Variants in MFSD6 observed in about 807,000 individuals in gnomAD.
MFSD6 encodes the protein major facilitator superfamily domain-containing protein 6.
In MFSD6, 26 loss-of-function variants were observed where a neutral mutation model predicts 56.3. The ratio of observed to expected loss-of-function variants is 0.46; its 90% CI spans 0.34 to 0.64. MFSD6 has a LOEUF of 0.64. MFSD6 is among the 30% of genes least tolerant of loss of function. MFSD6 has a pLI of 0.01. For missense variants in MFSD6, 750 were observed against 986.2 expected (o/e 0.76, Z 3.21); for synonymous variants, 331 against 366.9 (o/e 0.90, Z 1.12).
At chr2:190,419,488 AG>A (rs1390178234) in intron 2 of MFSD6, among the ~76,000 whole-genome samples, 2 of 152,262 alleles carry the variant, frequency 1.3e-5, no homozygotes, top group African/African-American at 4.8e-5. Flanking sequence ...CCATGGCACA[AG>A]GAAGAGTGTC....
At position 190,450,312 on chromosome 2, in the gene MFSD6, C is replaced by T. The variant is rs77196927; in HGVS notation, c.1532+12751C>T. 7.5e-3 allele frequency among the ~76,000 whole-genome samples: 1,136 copies of T among 152,120 alleles called. 15 individuals are homozygous for T. The highest frequency in any genetic ancestry group is 0.014 in the South Asian group (67 of 4,826). ...GAGTGGATAAGAAAATAAATTTTCT[C>T]AGAAGCTTACTTCATAGCATACCTC... On this transcript the variant is annotated intron_variant, in intron 3 of 7. Coordinates refer to ENST00000392328, the MANE Select transcript of MFSD6 (RefSeq NM_017694.4).
chr2:190,431,487 G>T lies in MFSD6; in HGVS notation c.-53-4490G>T, dbSNP rs905255176. ...GGAGGCCGAGGCTGGCGGATCACTC[G>T]CGATTAGGAGCTGGAGACTAGCCCG... On this transcript the variant is annotated intron_variant, in intron 2 of 7. Transcript: ENST00000392328. This position sits in a 1 kb window ranked among gnomAD's most constrained non-coding sequence, Gnocchi z 4.4. Among the ~76,000 whole-genome samples, 2 of 152,324 alleles carry T rather than the reference G, an allele frequency of 1.3e-5. No individual in the cohort carries two copies. Among genetic ancestry groups the T allele is most frequent in the East Asian group, 3.9e-4 (2 of 5,182 alleles).
In MFSD6 at chr2:190,491,047, G is replaced by C. The variant is rs773479500; in HGVS notation, c.1891+1181G>C. 1.3e-5 allele frequency among the ~76,000 whole-genome samples: 2 copies of C among 152,144 alleles called. No homozygotes were observed. The highest frequency in any genetic ancestry group is 6.5e-5 in the Admixed American group (1 of 15,272). ...GGCTCTCCCAAAGTTATAAGATGTA[G>C]TTAAAGTTGTATTTTGAGAAAAATG... On this transcript the variant is annotated intron_variant, in intron 6 of 7. Transcript: ENST00000392328. This position sits in a 1 kb window ranked among gnomAD's most constrained non-coding sequence, Gnocchi z 4.2.
intron 2 of MFSD6, among the ~76,000 whole-genome samples, chr2:190,430,898 A>G (rs1447597397): frequency 1.1e-5 from 1 of 92,044 alleles, no homozygotes; most frequent in Non-Finnish European, 2.2e-5. Context: ...GACGCTCCTC[A>G]CTTCCCAGAT....
chr2:190,471,534 G>C lies in MFSD6; in HGVS notation c.1630+1679G>C, dbSNP rs893211877. Among the ~76,000 whole-genome samples the C allele has an allele frequency of 2.0e-5, 3 of 152,354 alleles. No homozygotes were observed. The highest frequency in any genetic ancestry group is 4.4e-5 in the Non-Finnish European group (3 of 68,036). On this transcript the variant is annotated intron_variant, in intron 4 of 7. Coordinates refer to ENST00000392328, the MANE Select transcript of MFSD6 (RefSeq NM_017694.4). The surrounding 1 kb of genome is among the most constrained non-coding windows in gnomAD (Gnocchi z 4.7). Reference sequence around the variant, plus strand: ...AGATCAAACTGCAAGGCGGCAGTGAGGCTGGGGGAGGGGCACCCGCCATTG... The same window carrying C: ...AGATCAAACTGCAAGGCGGCAGTGACGCTGGGGGAGGGGCACCCGCCATTG...
In MFSD6 at chr2:190,432,320, C is replaced by A. The variant is rs75630116; in HGVS notation, c.-53-3657C>A. Among the ~76,000 whole-genome samples the A allele has an allele frequency of 2.5e-3, 380 of 152,328 alleles. 3 individuals are homozygous for A. The highest frequency in any genetic ancestry group is 8.6e-3 in the African/African-American group (356 of 41,580). On this transcript the variant is annotated intron_variant, in intron 2 of 7. Coordinates refer to ENST00000392328, the MANE Select transcript of MFSD6 (RefSeq NM_017694.4). ...GGGGAAAGGGGCCAAGGCTCAGAAT[C>A]CAGGATGTGTATGTTCACTTGATGC...
Position 190,459,753 on chromosome 2 carries a change from T to C in MFSD6, c.1533-10005T>C, listed in dbSNP as rs1220426729. ...TACACTCTTAGCTTATCAGTCATTT[T>C]AGAGGGAAGAATCTGAACACAACAA... is the stretch of plus-strand genomic sequence containing the variant. On this transcript the variant is annotated intron_variant, in intron 3 of 7. Coordinates refer to ENST00000392328, the MANE Select transcript of MFSD6 (RefSeq NM_017694.4). This position sits in a 1 kb window ranked among gnomAD's most constrained non-coding sequence, Gnocchi z 5.3. Among the ~76,000 whole-genome samples, 2 of 152,262 alleles carry C rather than the reference T, an allele frequency of 1.3e-5. No individual in the cohort carries two copies. The highest frequency in any genetic ancestry group is 2.9e-5 in the Non-Finnish European group (2 of 68,042).
Position 190,496,650 on chromosome 2 carries a change from A to G in MFSD6, c.1892-789A>G, listed in dbSNP as rs538990846. 6.6e-6 allele frequency among the ~76,000 whole-genome samples: 1 copy of G among 151,468 alleles called. No homozygotes were observed. The highest frequency in any genetic ancestry group is 1.9e-4 in the East Asian group (1 of 5,176). ...TGTATATGTGTGTATATATATGTAT[A>G]TGTGTATATGTGTGTGTATGTGTGT... On this transcript the variant is annotated intron_variant, in intron 6 of 7. Transcript: ENST00000392328. The surrounding 1 kb of genome is among the most constrained non-coding windows in gnomAD (Gnocchi z 4.7).
chr2:190,447,898 T>C lies in MFSD6; in HGVS notation c.1532+10337T>C, dbSNP rs539764371. On this transcript the variant is annotated intron_variant, in intron 3 of 7. Transcript: ENST00000392328. This position sits in a 1 kb window ranked among gnomAD's most constrained non-coding sequence, Gnocchi z 4.5. ...CAAAGAAATATCTTACCATGTAATA[T>C]AGCTACCAGGCTGACTTATTAATAA... Among the ~76,000 whole-genome samples the C allele has an allele frequency of 6.6e-6, 1 of 152,286 alleles. No homozygotes were observed. The highest frequency in any genetic ancestry group is 1.5e-5 in the Non-Finnish European group (1 of 68,026).
At chr2:190,483,083 G>A (rs144969691) in intron 4 of MFSD6, among the ~76,000 whole-genome samples, 23,713 of 149,566 alleles carry the variant, frequency 0.16, 1,904 homozygotes, top group Middle Eastern at 0.22. Context: ...TAGTAGAGAC[G>A]GGGTTTCACC....
rs1575842596 is a variant in MFSD6 at position 190,439,354 on chromosome 2, T to C, written c.1532+1793T>C. Among the ~76,000 whole-genome samples the C allele has an allele frequency of 1.3e-5, 2 of 152,256 alleles. No individual in the cohort carries two copies. The highest frequency in any genetic ancestry group is 1.3e-4 in the Admixed American group (2 of 15,296). ...ATGTGTTTAGGTTCTATTTTCTTTT[T>C]TTTCACGTTTTATTTGTTTATTTTT... is the stretch of plus-strand genomic sequence containing the variant. On this transcript the variant is annotated intron_variant, in intron 3 of 7. Coordinates refer to ENST00000392328, the MANE Select transcript of MFSD6 (RefSeq NM_017694.4). The surrounding 1 kb of genome is among the most constrained non-coding windows in gnomAD (Gnocchi z 5.8).
In MFSD6 at chr2:190,411,881, ATTTC is replaced by A. The variant is rs1690579441; in HGVS notation, c.-176+3385_-176+3388del. On this transcript the variant is annotated intron_variant, in intron 1 of 7. Coordinates refer to ENST00000392328, the MANE Select transcript of MFSD6 (RefSeq NM_017694.4). Reference sequence around the variant, plus strand: ...ATCTGCTTGATTAGGGGTGATAAGAATTTCTTTCTTCCTGGTCTTGCTAGTGGTG... The same window carrying A: ...ATCTGCTTGATTAGGGGTGATAAGAATTTCTTCCTGGTCTTGCTAGTGGTG... 6 of 985,242 alleles carry A rather than the reference ATTTC, an allele frequency of 6.1e-6. No individual in the cohort carries two copies. The African/African-American group carries it at 7.0e-5, about 11-fold the overall frequency. The allele number at this position is 985,242 out of a possible 1,614,324, so 61.0% of individuals were successfully genotyped here.
chr2:190,448,474 G>C (rs539703091), intron 3 of MFSD6, among the ~76,000 whole-genome samples: 2 of 152,298 alleles, frequency 1.3e-5, no homozygotes, highest in East Asian at 3.9e-4. Flanking sequence ...AAATGTTAAT[G>C]CAGGGGTTAA....
chr2:190,413,840 G>C lies in MFSD6; in HGVS notation c.-175-1452G>C, dbSNP rs1054271045. On this transcript the variant is annotated intron_variant, in intron 1 of 7. Coordinates refer to ENST00000392328, the MANE Select transcript of MFSD6 (RefSeq NM_017694.4). This position sits in a 1 kb window ranked among gnomAD's most constrained non-coding sequence, Gnocchi z 4.1. ...GAGCCCTGCTATACTGTGGGGTGAA[G>C]AGGAGACATGGCAGTCAGGGCCCAG... 6.6e-6 allele frequency among the ~76,000 whole-genome samples: 1 copy of C among 152,206 alleles called. No individual in the cohort carries two copies. The highest frequency in any genetic ancestry group is 1.5e-5 in the Non-Finnish European group (1 of 68,038).
intron 3 of MFSD6, among the ~76,000 whole-genome samples, chr2:190,449,578 C>G (rs1332138546): frequency 6.6e-6 from 1 of 152,044 alleles, no homozygotes; most frequent in Non-Finnish European, 1.5e-5. Flanking sequence ...ATGTTTATTG[C>G]GGCACTATTC....
Position 190,417,996 on chromosome 2 carries a change from G to GTGTGTGTT in MFSD6, c.-54+2588_-54+2589insGTTTGTGT, listed in dbSNP as rs1177419131. The stretch of plus-strand genomic sequence containing the variant: ...TGTGTGTGTGTGTGTGTGTGTGTGT[G>GTGTGTGTT]TGTGTATGTGAGAGAGAGAGAGATG... On this transcript the variant is annotated intron_variant, in intron 2 of 7. Coordinates refer to ENST00000392328, the MANE Select transcript of MFSD6 (RefSeq NM_017694.4). The surrounding 1 kb of genome is among the most constrained non-coding windows in gnomAD (Gnocchi z 5.7). 1.3e-5 allele frequency among the ~76,000 whole-genome samples: 2 copies of GTGTGTGTT among 150,428 alleles called. No individual in the cohort carries two copies. The highest frequency in any genetic ancestry group is 4.9e-5 in the African/African-American group (2 of 40,646).
rs1250036925 is a variant in MFSD6, at chr2:190,494,169, G to T, written c.1892-3270G>T. Among the ~76,000 whole-genome samples, 7 of 152,010 alleles carry T rather than the reference G, an allele frequency of 4.6e-5. No individual in the cohort carries two copies. The highest frequency in any genetic ancestry group is 4.6e-4 in the Admixed American group (7 of 15,262). On this transcript the variant is annotated intron_variant, in intron 6 of 7. Transcript: ENST00000392328. This position sits in a 1 kb window ranked among gnomAD's most constrained non-coding sequence, Gnocchi z 5.7. ...ATAAGCTTAATTAGAAACAAAACAG[G>T]AAATATTACAACTGACACCACAGAA...
At chr2:190,452,062 C>T (rs964514102) in intron 3 of MFSD6, among the ~76,000 whole-genome samples, 2 of 151,578 alleles carry the variant, frequency 1.3e-5, no homozygotes, top group Non-Finnish European at 2.9e-5. Context: ...TCTACCAATC[C>T]AGATGAAAGT....
chr2:190,414,002 C>G (rs1430717121), intron 1 of MFSD6, among the ~76,000 whole-genome samples: 2 of 151,984 alleles, frequency 1.3e-5, no homozygotes, highest in East Asian at 1.9e-4. Context: ...GTACTTGGCT[C>G]AAGGTAGAGC....
Sources: gnomAD v4.1 joint callset for allele counts (sites outside exome capture counted in the v4.1 genomes callset) on GRCh38, gnomAD v4.1.1 for gene constraint, Gnocchi (gnomAD v3.1) non-coding constraint, MANE v1.5 for transcripts, NCBI Gene and HGNC (gene_info 2026-07-23, HGNC 2026-07-21) for gene names.